RECK: variants seen among roughly 807,000 people sequenced by gnomAD.
RECK encodes the protein reversion-inducing cysteine-rich protein with Kazal motifs.
In RECK, 69 loss-of-function variants were observed where a neutral mutation model predicts 115.1. The ratio of observed to expected loss-of-function variants is 0.60; its 90% CI spans 0.49 to 0.73. The LOEUF is 0.73. RECK is among the 30% of genes least tolerant of loss of function. The pLI, the probability that RECK is intolerant of heterozygous loss-of-function variation, is 0.00. For synonymous variants in RECK, 414 were observed against 419.7 expected (o/e 0.99, Z 0.17); for missense variants, 1,047 against 1,203.7 (o/e 0.87, Z 1.93).
rs1412098737 is a variant in RECK at position 36,121,577 on chromosome 9, A to T, written c.2583A>T (p.Lys861Asn). ...KPITVLEILQ[K>N]IRMHVSVPQC... The stretch of plus-strand genomic sequence containing the variant: ...TAACAGTTCTGGAAATACTTCAGAA[A>T]ATCCGCATGCACGTGTCTGTCCCAC... Residue 861 changes from lysine (K) to asparagine (N), a missense_variant, in exon 20 of 21, where the codon AAA (lysine) becomes AAT (asparagine). By Grantham distance (94) the Lys-to-Asn change is moderately conservative (BLOSUM62 0). Transcript: ENST00000377966. The T allele has an allele frequency of 1.2e-6, 2 of 1,614,154 alleles. No homozygotes were observed. Among genetic ancestry groups the T allele is most frequent in the South Asian group, 1.1e-5 (1 of 91,068 alleles).
At position 36,109,476 on chromosome 9, in the gene RECK, A is replaced by G. The variant is rs77606259; in HGVS notation, c.1766-481A>G. Among the ~76,000 whole-genome samples the G allele has an allele frequency of 2.0e-3, 311 of 152,328 alleles. 2 individuals carry two copies. The highest frequency in any genetic ancestry group is 7.2e-3 in the African/African-American group (299 of 41,572). ...ACCAGCACTTCAGGGGCTTGGAGGAATACGATAGGAGGCAAATATGAAAAT... is the reference window on the plus strand; with the variant it reads ...ACCAGCACTTCAGGGGCTTGGAGGAGTACGATAGGAGGCAAATATGAAAAT... On this transcript the variant is annotated intron_variant, in intron 14 of 20. Transcript: ENST00000377966.
At chr9:36,097,112 T>C (rs1298806863) in intron 10 of RECK, among the ~76,000 whole-genome samples, 4 of 152,106 alleles carry the variant, frequency 2.6e-5, no homozygotes, top group Admixed American at 6.5e-5. Flanking sequence ...TCACTTGAGG[T>C]CAAGAGTTCA....
In RECK at chr9:36,108,012, G is replaced by A. The variant is rs202116020; in HGVS notation, c.1613G>A (p.Arg538His). ...KLGEASDFIV[R>H]QGTLIQVPSS... ...GGAGAAGCTTCTGATTTCATTGTCCGTCAAGGGACACTAATCCAGGTGCCA... is the reference window on the plus strand; with the variant it reads ...GGAGAAGCTTCTGATTTCATTGTCCATCAAGGGACACTAATCCAGGTGCCA... Residue 538 changes from arginine (R) to histidine (H), a missense_variant, in exon 14 of 21, where the codon CGT becomes CAT. Physicochemically the swap from Arg to His is conservative, Grantham distance 29. Coordinates refer to ENST00000377966, the MANE Select transcript of RECK (RefSeq NM_021111.3). The A allele has an allele frequency of 5.6e-5, 91 of 1,613,160 alleles. 1 individual carries two copies. The highest frequency in any genetic ancestry group is 4.2e-4 in the South Asian group (38 of 90,904).
intron 10 of RECK, among the ~76,000 whole-genome samples, chr9:36,095,449 A>G (rs1474914443): frequency 6.6e-6 from 1 of 152,236 alleles, no homozygotes; most frequent in Non-Finnish European, 1.5e-5. Context: ...CAGGAAGCAG[A>G]TAACATATCC....
At chr9:36,098,665 A>G (rs1434447980) in intron 10 of RECK, among the ~76,000 whole-genome samples, 1 of 152,170 alleles carries the variant, frequency 6.6e-6, no homozygotes. Context: ...TAGTACCCTT[A>G]TTCGTAATAG....
chr9:36,081,798 C>T (rs1405056193), intron 7 of RECK, among the ~76,000 whole-genome samples: 1 of 148,774 alleles, frequency 6.7e-6, no homozygotes, highest in African/African-American at 2.5e-5. Flanking sequence ...CGCGCCACTG[C>T]ACTCCAGCCA....
chr9:36,115,335 AT>A (rs1337058644), intron 16 of RECK, among the ~76,000 whole-genome samples: 2 of 150,786 alleles, frequency 1.3e-5, no homozygotes, highest in African/African-American at 4.9e-5. Flanking sequence ...AATAATAATA[AT>A]AATAATTGTT....
chr9:36,117,466 G>T (rs1824307526), intron 17 of RECK, among the ~76,000 whole-genome samples: 1 of 152,180 alleles, frequency 6.6e-6, no homozygotes, highest in Non-Finnish European at 1.5e-5. Context: ...CCCTGGCATG[G>T]TCAACATCAT....
chr9:36,079,150 C>G (rs1329127952), intron 6 of RECK, among the ~76,000 whole-genome samples: 3 of 152,176 alleles, frequency 2.0e-5, no homozygotes, highest in African/African-American at 7.2e-5. Context: ...CCACCTCGGC[C>G]TCCCAAAGTG....
intron 4 of RECK, among the ~76,000 whole-genome samples, chr9:36,062,567 T>G (rs1367483282): frequency 6.6e-6 from 1 of 151,840 alleles, no homozygotes. Context: ...AGCCTCCACC[T>G]CCTGGGTTCA....
intron 16 of RECK, among the ~76,000 whole-genome samples, chr9:36,113,328 G>A (rs1179002289): frequency 6.6e-6 from 1 of 152,204 alleles, no homozygotes; most frequent in Non-Finnish European, 1.5e-5. Flanking sequence ...AATATGGAGG[G>A]AGGGGGAGAC....
intron 1 of RECK, among the ~76,000 whole-genome samples, chr9:36,038,180 G>T (rs552035936): frequency 6.6e-6 from 1 of 151,954 alleles, no homozygotes; most frequent in East Asian, 1.9e-4. Context: ...GGGCATGGTG[G>T]TGTATGCCTG....
At chr9:36,062,738 A>G (rs1821829835) in intron 4 of RECK, among the ~76,000 whole-genome samples, 1 of 152,094 alleles carries the variant, frequency 6.6e-6, no homozygotes, top group Non-Finnish European at 1.5e-5. Context: ...TTGGCCTCCC[A>G]AAGTGCTGGG....
intron 18 of RECK, among the ~76,000 whole-genome samples, chr9:36,119,375 A>G (rs956909121): frequency 6.6e-6 from 1 of 152,256 alleles, no homozygotes; most frequent in African/African-American, 2.4e-5. Flanking sequence ...TGAGAGAAAT[A>G]GAAGATAGTT....
rs149742179 is a variant in RECK at position 36,079,694 on chromosome 9, A to G, written c.406-911A>G. Among the ~76,000 whole-genome samples the G allele has an allele frequency of 2.4e-3, 370 of 152,338 alleles. 2 individuals are homozygous for G. The highest frequency in any genetic ancestry group is 8.3e-3 in the African/African-American group (346 of 41,584). Reference sequence around the variant, plus strand: ...AAGCCAAAATCGTCTCGTTTCAACAATAAGGGTGTGCTTGATTTCCTTCTG... The same window carrying G: ...AAGCCAAAATCGTCTCGTTTCAACAGTAAGGGTGTGCTTGATTTCCTTCTG... On this transcript the variant is annotated intron_variant, in intron 6 of 20. Transcript: ENST00000377966.
At chr9:36,066,434 A>C (rs1303997156) in intron 6 of RECK, among the ~76,000 whole-genome samples, 1 of 152,114 alleles carries the variant, frequency 6.6e-6, no homozygotes, top group Non-Finnish European at 1.5e-5. Context: ...AGAAGGTAGA[A>C]TAACTCTCTT....
Position 36,117,076 on chromosome 9 carries a change from C to T in RECK, c.2152C>T (p.Gln718Ter). The T allele has an allele frequency of 1.2e-6, 2 of 1,614,146 alleles. No individual in the cohort carries two copies. The highest frequency in any genetic ancestry group is 1.7e-6 in the Non-Finnish European group (2 of 1,179,992). Residue 718 changes from glutamine (Q) to a stop codon, truncating the protein, a stop_gained, in exon 17 of 21, where the codon CAG (glutamine) becomes TAG (stop). Transcript: ENST00000377966. LOFTEE classifies it high-confidence loss of function. ...TGTACCAAGACAGCTCGCGTGTGAC[C>T]AGGTCCAAGATCCTGTTTGTGACAC... is the stretch of plus-strand genomic sequence containing the variant. ...ECVPRQLACDQVQDPVCDTDH... is the reference protein window; with the variant it reads ...ECVPRQLACD
chr9:36,048,627 T>C (rs1301084505), intron 1 of RECK, among the ~76,000 whole-genome samples: 1 of 152,170 alleles, frequency 6.6e-6, no homozygotes, highest in Admixed American at 6.5e-5. Flanking sequence ...TTTATCGGTG[T>C]CCTTGAATTC....
At chr9:36,096,914 G>GTATCA (rs1823365081) in intron 10 of RECK, among the ~76,000 whole-genome samples, 1 of 91,250 alleles carries the variant, frequency 1.1e-5, no homozygotes, top group Admixed American at 1.3e-4. Flanking sequence ...TCATGCACAG[G>GTATCA]TGTGTGCATA....
Sources: allele counts gnomAD v4.1 joint callset (sites outside exome capture counted in the v4.1 genomes callset), GRCh38; gene constraint gnomAD v4.1.1; transcripts MANE v1.5; gene names NCBI Gene and HGNC (gene_info 2026-07-23, HGNC 2026-07-21).